PRKG2: variants seen among roughly 807,000 people sequenced by gnomAD.
PRKG2 encodes the protein protein kinase cGMP-dependent 2, also known as cGMP-dependent protein kinase 2.
In PRKG2, 33 loss-of-function variants were observed where a neutral mutation model predicts 97.2. That is an observed-to-expected ratio of 0.34 (90% CI 0.26 to 0.45). The LOEUF (loss-of-function observed/expected upper bound fraction) is 0.45, where lower values mean the gene tolerates loss of function less well. PRKG2 is among the 20% of genes least tolerant of loss of function. The probability of loss-of-function intolerance (pLI) is 1.00; values close to 1 mark genes in which losing one functional copy is unlikely to be tolerated. For missense variants in PRKG2, 638 were observed against 900.0 expected (o/e 0.71, Z 3.73); for synonymous variants, 330 against 321.8 (o/e 1.03, Z -0.27).
chr4:81,118,783 G>A (rs766400027), intron 14 of PRKG2, among the ~76,000 whole-genome samples: 12 of 151,894 alleles, frequency 7.9e-5, no homozygotes, highest in Non-Finnish European at 1.3e-4. Context: ...AGAAGTTTTC[G>A]TTTGGTTTGT....
rs9992933 is a variant in PRKG2 at position 81,171,813 on chromosome 4, C to G, written c.629-9G>C. On this transcript the variant is annotated splice_polypyrimidine_tract_variant and intron_variant, in intron 3 of 18. Coordinates refer to ENST00000264399, the MANE Select transcript of PRKG2 (RefSeq NM_006259.3). ...CACCTCTAGTCGACCCTCTATCAAGCAGAATTTTAAAAAACACACACACAA... is the reference window on the plus strand; with the variant it reads ...CACCTCTAGTCGACCCTCTATCAAGGAGAATTTTAAAAAACACACACACAA... 1 of 1,569,774 alleles carries G rather than the reference C, an allele frequency of 6.4e-7. No homozygotes were observed. The highest frequency in any genetic ancestry group is 8.6e-7 in the Non-Finnish European group (1 of 1,156,176).
chr4:81,114,162 C>T (rs1744255226), intron 14 of PRKG2, among the ~76,000 whole-genome samples: 1 of 152,048 alleles, frequency 6.6e-6, no homozygotes, highest in African/African-American at 2.4e-5. Context: ...ATTCCCTTCT[C>T]CTGTGAGGTT....
chr4:81,116,985 C>CTTTTTTTTTTTTTTTTTTTTTT (rs58361616), intron 14 of PRKG2, among the ~76,000 whole-genome samples: 1 of 78,988 alleles, frequency 1.3e-5, no homozygotes, highest in African/African-American at 5.8e-5. Flanking sequence ...CCTGTTGTTA[C>CTTTTTTTTTTTTTTTTTTTTTT]TTTTTTTTTT....
intron 6 of PRKG2, among the ~76,000 whole-genome samples, chr4:81,156,643 C>T (rs544401426): frequency 6.6e-5 from 10 of 152,252 alleles, no homozygotes; most frequent in South Asian, 2.1e-4. Flanking sequence ...TTCAGCACCA[C>T]GCCACACCTA....
chr4:81,099,772 T>A (rs1192600443), intron 17 of PRKG2, among the ~76,000 whole-genome samples: 1 of 152,148 alleles, frequency 6.6e-6, no homozygotes, highest in Non-Finnish European at 1.5e-5. Flanking sequence ...GAAGTCAAAT[T>A]GTCCCTGTTT....
chr4:81,098,998 T>A (rs1387907760), intron 17 of PRKG2, among the ~76,000 whole-genome samples: 1 of 152,142 alleles, frequency 6.6e-6, no homozygotes, highest in Non-Finnish European at 1.5e-5. Flanking sequence ...CAAAGTGGGA[T>A]AAAACAAGGT....
intron 14 of PRKG2, among the ~76,000 whole-genome samples, chr4:81,123,801 GCTTT>G (rs1745299547): frequency 6.6e-6 from 1 of 152,060 alleles, no homozygotes. Flanking sequence ...CTTAATTTAT[GCTTT>G]CTCTTTGATT....
chr4:81,094,860 T>A (rs1741963841), intron 17 of PRKG2, among the ~76,000 whole-genome samples: 2 of 152,078 alleles, frequency 1.3e-5, no homozygotes, highest in Admixed American at 6.6e-5. Context: ...CAGTAAGGAA[T>A]CAAGATTTCT....
chr4:81,197,337 T>C (rs1019427259), intron 2 of PRKG2, among the ~76,000 whole-genome samples: 4 of 151,946 alleles, frequency 2.6e-5, no homozygotes, highest in Non-Finnish European at 5.9e-5. Context: ...GGAGAAGAGG[T>C]GAAGGCTCCT....
intron 6 of PRKG2, among the ~76,000 whole-genome samples, chr4:81,160,118 AAAAT>A (rs1288964671): frequency 1.2e-4 from 18 of 152,134 alleles, no homozygotes; most frequent in African/African-American, 2.4e-4. Flanking sequence ...ATAATAATAA[AAAAT>A]AAATAAATAA....
At chr4:81,157,276 C>G (rs1045010356) in intron 6 of PRKG2, among the ~76,000 whole-genome samples, 2 of 152,062 alleles carry the variant, frequency 1.3e-5, no homozygotes, top group Non-Finnish European at 2.9e-5. Flanking sequence ...GAAATACAAA[C>G]TACCATCAGA....
intron 17 of PRKG2, among the ~76,000 whole-genome samples, chr4:81,094,694 A>G (rs1419602369): frequency 6.6e-6 from 1 of 152,140 alleles, no homozygotes; most frequent in Non-Finnish European, 1.5e-5. Context: ...TGAAAGAGCC[A>G]GAATGAAGAG....
At chr4:81,177,028 G>C (rs1750988610) in intron 2 of PRKG2, among the ~76,000 whole-genome samples, 1 of 151,666 alleles carries the variant, frequency 6.6e-6, no homozygotes, top group African/African-American at 2.4e-5. Context: ...CTATATCTTT[G>C]CCTTAAGAGA....
chr4:81,159,503 T>C (rs1749419934), intron 6 of PRKG2, among the ~76,000 whole-genome samples: 1 of 152,052 alleles, frequency 6.6e-6, no homozygotes, highest in Non-Finnish European at 1.5e-5. Context: ...ACTTTTACAC[T>C]GTTGGTGGGA....
chr4:81,155,596 T>A (rs1357501533), intron 6 of PRKG2, among the ~76,000 whole-genome samples: 1 of 151,544 alleles, frequency 6.6e-6, no homozygotes, highest in Non-Finnish European at 1.5e-5. Flanking sequence ...AAGATACTCC[T>A]CGAGAAGAGC....
chr4:81,111,645 C>T (rs1035863693), intron 14 of PRKG2, among the ~76,000 whole-genome samples: 20 of 151,992 alleles, frequency 1.3e-4, no homozygotes, highest in African/African-American at 4.8e-4. Flanking sequence ...CCTCCGTTTT[C>T]GCAAAATAGA....
intron 3 of PRKG2, among the ~76,000 whole-genome samples, 188 bp from the exon 4 acceptor site, chr4:81,171,992 T>C (rs1750518963): frequency 6.6e-6 from 1 of 151,906 alleles, no homozygotes. Context: ...ATTAGCTGGG[T>C]TGCCTTGAGA....
intron 14 of PRKG2, among the ~76,000 whole-genome samples, chr4:81,112,109 C>T (rs1444395095): frequency 6.6e-6 from 1 of 152,118 alleles, no homozygotes; most frequent in Non-Finnish European, 1.5e-5. Context: ...AAATAAACCC[C>T]TTAGAAATTT....
chr4:81,194,835 G>T (rs1752848396), intron 2 of PRKG2, among the ~76,000 whole-genome samples: 2 of 152,138 alleles, frequency 1.3e-5, no homozygotes, highest in Admixed American at 1.3e-4. Context: ...AGTAGTTGAG[G>T]AGTCAGCGGC....
Sources: allele counts gnomAD v4.1 joint callset (sites outside exome capture counted in the v4.1 genomes callset), GRCh38; gene constraint gnomAD v4.1.1; transcripts MANE v1.5; gene names NCBI Gene and HGNC (gene_info 2026-07-23, HGNC 2026-07-21).